Variants in ACOXL observed in about 807,000 individuals in gnomAD.
ACOXL encodes acyl-CoA oxidase like.
In ACOXL, 70 loss-of-function variants were observed where a neutral mutation model predicts 71.9. The ratio of observed to expected loss-of-function variants is 0.97; its 90% CI spans 0.80 to 1.19. The LOEUF is 1.19. Among genes scored for constraint, ACOXL ranks in the 50% most tolerant of loss-of-function variants. The pLI is 0.00. For synonymous variants in ACOXL, 253 were observed against 281.6 expected (o/e 0.90, Z 1.02); for missense variants, 703 against 736.3 (o/e 0.95, Z 0.52).
chr2:110,791,273 C>T (rs544265540), intron 3 of ACOXL, among the ~76,000 whole-genome samples: 1 of 152,354 alleles, frequency 6.6e-6, no homozygotes, highest in African/African-American at 2.4e-5. Flanking sequence ...ACTTCCACAG[C>T]CCAGGGTGCC....
chr2:110,909,350 A>G (rs966424311), intron 11 of ACOXL, among the ~76,000 whole-genome samples: 67 of 152,178 alleles, frequency 4.4e-4, no homozygotes, highest in African/African-American at 1.5e-3. Flanking sequence ...TTTGAATAAA[A>G]CGTGTACCAT....
At chr2:110,787,533 C>CAAAAAAAAAAAAAAAAAAA (rs1175271772) in intron 3 of ACOXL, among the ~76,000 whole-genome samples, 1 of 53,638 alleles carries the variant, frequency 1.9e-5, no homozygotes, top group African/African-American at 7.6e-5. Context: ...GACTCCGTCT[C>CAAAAAAAAAAAAAAAAAAA]AAAAAAAAAA....
intron 12 of ACOXL, among the ~76,000 whole-genome samples, chr2:110,982,257 G>A (rs537816582): frequency 6.6e-6 from 1 of 152,214 alleles, no homozygotes; most frequent in African/African-American, 2.4e-5. Flanking sequence ...CCGGGTTCAA[G>A]TCAAATCCGT....
intron 9 of ACOXL, among the ~76,000 whole-genome samples, chr2:110,817,935 T>G (rs1400347193): frequency 6.6e-6 from 1 of 151,326 alleles, no homozygotes; most frequent in Non-Finnish European, 1.5e-5. Context: ...AAGTTTTGTT[T>G]CAATCCATGC....
chr2:110,799,988 A>G (rs1251359093), intron 7 of ACOXL, among the ~76,000 whole-genome samples: 2 of 152,224 alleles, frequency 1.3e-5, no homozygotes, highest in African/African-American at 2.4e-5. Flanking sequence ...AAAGTAGCCA[A>G]TCGCGGGGAG....
chr2:110,821,957 G>A (rs922340131), intron 9 of ACOXL, among the ~76,000 whole-genome samples: 1 of 151,792 alleles, frequency 6.6e-6, no homozygotes, highest in African/African-American at 2.4e-5. Flanking sequence ...GTGCATGTGA[G>A]TGTGTGTGTG....
At chr2:110,848,461 A>G (rs537497929) in intron 10 of ACOXL, among the ~76,000 whole-genome samples, 5 of 152,304 alleles carry the variant, frequency 3.3e-5, no homozygotes, top group South Asian at 2.1e-4. Context: ...ATGGCAGCCT[A>G]TGAATATTCA....
intron 1 of ACOXL, among the ~76,000 whole-genome samples, chr2:110,760,968 G>A (rs912883986): frequency 1.3e-5 from 2 of 152,134 alleles, no homozygotes; most frequent in African/African-American, 2.4e-5. Context: ...AGTGTCAAAG[G>A]GCAAGAGTCA....
At chr2:110,881,178 T>C (rs1327889143) in intron 10 of ACOXL, among the ~76,000 whole-genome samples, 2 of 151,678 alleles carry the variant, frequency 1.3e-5, no homozygotes, top group Admixed American at 1.3e-4. Flanking sequence ...TATACACACA[T>C]ATATATTACA....
intron 17 of ACOXL, 126 bp downstream of exon 17, chr2:111,093,092 A>T: frequency 1.4e-6 from 1 of 702,054 alleles, no homozygotes; most frequent in South Asian, 2.0e-5. Flanking sequence ...CTGGGACTTC[A>T]CATGTATATT....
At chr2:110,744,579 A>T (rs1224143273) in intron 1 of ACOXL, among the ~76,000 whole-genome samples, 3 of 152,076 alleles carry the variant, frequency 2.0e-5, no homozygotes, top group Non-Finnish European at 4.4e-5. Context: ...CATTACCTAC[A>T]ACCTTCTCCC....
intron 16 of ACOXL, among the ~76,000 whole-genome samples, chr2:111,088,516 C>A (rs1193731730): frequency 6.6e-6 from 1 of 152,164 alleles, no homozygotes; most frequent in African/African-American, 2.4e-5. Context: ...TTATCCTTAA[C>A]AAGCCAGCCC....
At chr2:110,971,883 A>G (rs2062206058) in intron 12 of ACOXL, among the ~76,000 whole-genome samples, 1 of 152,228 alleles carries the variant, frequency 6.6e-6, no homozygotes, top group African/African-American at 2.4e-5. Flanking sequence ...CTTGTGATCC[A>G]AGTGAGGTTT....
chr2:110,902,271 A>G (rs189602939), intron 10 of ACOXL, among the ~76,000 whole-genome samples: 113 of 152,222 alleles, frequency 7.4e-4, no homozygotes, highest in African/African-American at 2.7e-3. Flanking sequence ...GGAGTTTGAG[A>G]CCAGCCTGGA....
At chr2:110,978,834 G>A (rs2062575594) in intron 12 of ACOXL, among the ~76,000 whole-genome samples, 1 of 152,152 alleles carries the variant, frequency 6.6e-6, no homozygotes, top group Admixed American at 6.5e-5. Context: ...TTAACATTCT[G>A]CCCATTGCCA....
At chr2:110,984,772 A>T (rs2062854355) in intron 12 of ACOXL, among the ~76,000 whole-genome samples, 1 of 152,238 alleles carries the variant, frequency 6.6e-6, no homozygotes, top group Non-Finnish European at 1.5e-5. Context: ...AATTGGACGT[A>T]TTGGATGAGA....
chr2:111,041,526 G>T (rs1402293942), intron 15 of ACOXL, among the ~76,000 whole-genome samples: 1 of 152,164 alleles, frequency 6.6e-6, no homozygotes, highest in Non-Finnish European at 1.5e-5. Context: ...CCGGGCCATG[G>T]GGAGGCTCAC....
chr2:110,819,479 A>G (rs111676147), intron 9 of ACOXL, among the ~76,000 whole-genome samples: 8 of 152,128 alleles, frequency 5.3e-5, no homozygotes, highest in African/African-American at 1.9e-4. Context: ...GTGCAGGAAC[A>G]GGGAGCTATG....
chr2:110,843,371 A>G (rs1005435718), intron 10 of ACOXL, among the ~76,000 whole-genome samples: 3 of 152,142 alleles, frequency 2.0e-5, no homozygotes, highest in Non-Finnish European at 4.4e-5. Context: ...ATTCCTCCAA[A>G]CTGTGAAAGT....
Sources: allele counts gnomAD v4.1 joint callset (sites outside exome capture counted in the v4.1 genomes callset), GRCh38; gene constraint gnomAD v4.1.1; transcripts MANE v1.5; gene names NCBI Gene and HGNC (gene_info 2026-07-23, HGNC 2026-07-21).